The following EYS variants were observed in gnomAD, a reference collection of about 807,000 sequenced individuals.
EYS encodes the protein protein eyes shut homolog.
In EYS, 250 loss-of-function variants were observed where a neutral mutation model predicts 282.1. The observed-to-expected ratio is 0.89, with a 90% CI of 0.80 to 0.98. EYS has a LOEUF of 0.98. EYS is among the 50% of genes least tolerant of loss of function. EYS has a pLI of 0.00. For synonymous variants in EYS, 1,355 were observed against 1,282.9 expected (o/e 1.06, Z -1.20); for missense variants, 4,016 against 3,709.0 (o/e 1.08, Z -2.15).
chr6:65,062,370 C>T (rs905084759), intron 12 of EYS, among the ~76,000 whole-genome samples: 4 of 151,908 alleles, frequency 2.6e-5, no homozygotes, highest in African/African-American at 9.7e-5. Flanking sequence ...ATGTACCAAA[C>T]CTGTCTATTT....
intron 5 of EYS, among the ~76,000 whole-genome samples, chr6:65,439,316 A>G (rs1768208411): frequency 6.6e-6 from 1 of 152,002 alleles, no homozygotes. Context: ...CTTAGGATTG[A>G]CTTGGCAATG....
chr6:64,286,767 T>C (rs1768517782), intron 30 of EYS, among the ~76,000 whole-genome samples: 1 of 152,174 alleles, frequency 6.6e-6, no homozygotes, highest in Non-Finnish European at 1.5e-5. Flanking sequence ...TTTTAGGGAA[T>C]AAGCCTTAAT....
chr6:65,561,313 A>G (rs1031439025), intron 2 of EYS, among the ~76,000 whole-genome samples: 1 of 152,196 alleles, frequency 6.6e-6, no homozygotes, highest in African/African-American at 2.4e-5. Context: ...AACACTTTCC[A>G]TTAACCAAAC....
chr6:64,050,274 C>A (rs1441649701), intron 33 of EYS, among the ~76,000 whole-genome samples: 1 of 152,066 alleles, frequency 6.6e-6, no homozygotes, highest in African/African-American at 2.4e-5. Flanking sequence ...TCCCTCCCAC[C>A]CCCTGCCATT....
chr6:64,391,406 A>G (rs1462541630), intron 28 of EYS, among the ~76,000 whole-genome samples: 2 of 152,218 alleles, frequency 1.3e-5, no homozygotes, highest in East Asian at 3.9e-4. Context: ...AGGGAAGCCC[A>G]TCAGACTAAC....
chr6:63,822,111 A>C (rs1771340650), intron 36 of EYS: 1 of 152,104 alleles, frequency 6.6e-6, no homozygotes, highest in South Asian at 2.1e-4. Flanking sequence ...AAAAGCATGA[A>C]GTTTTTTATT....
At chr6:64,110,330 A>C (rs1365200738) in intron 31 of EYS, among the ~76,000 whole-genome samples, 2 of 152,166 alleles carry the variant, frequency 1.3e-5, no homozygotes, top group Admixed American at 6.5e-5. Flanking sequence ...ACATACTCTC[A>C]GATTACTCCA....
At chr6:65,510,834 T>C (rs1582395700) in intron 2 of EYS, among the ~76,000 whole-genome samples, 1 of 152,226 alleles carries the variant, frequency 6.6e-6, no homozygotes, top group African/African-American at 2.4e-5. Flanking sequence ...ATAGTATTAC[T>C]CAAGGCAATT....
chr6:64,192,899 T>C (rs1468135919), intron 31 of EYS, among the ~76,000 whole-genome samples: 1 of 152,248 alleles, frequency 6.6e-6, no homozygotes, highest in Non-Finnish European at 1.5e-5. Context: ...CCATTGATCT[T>C]TACTGCCAAC....
chr6:64,242,352 A>G (rs916061244), intron 30 of EYS, among the ~76,000 whole-genome samples: 3 of 152,170 alleles, frequency 2.0e-5, no homozygotes, highest in African/African-American at 7.2e-5. Context: ...GATGGGAATT[A>G]GATTGATACT....
rs115226540 is a variant in EYS, at chr6:64,966,947, T to C, written c.2260-21033A>G. Reference sequence around the variant, plus strand: ...ATCATCTGGCTACTCTCTGGCATTCTATATACAAAGGTAGCCCTCCAGTTA... The same window carrying C: ...ATCATCTGGCTACTCTCTGGCATTCCATATACAAAGGTAGCCCTCCAGTTA... On this transcript the variant is annotated intron_variant, in intron 14 of 42. Coordinates refer to ENST00000503581, the MANE Select transcript of EYS (RefSeq NM_001142800.2). Among the ~76,000 whole-genome samples the C allele has an allele frequency of 9.7e-4, 147 of 152,318 alleles. 2 individuals carry two copies. The highest frequency in any genetic ancestry group is 3.3e-3 in the African/African-American group (139 of 41,584).
intron 13 of EYS, among the ~76,000 whole-genome samples, chr6:65,008,217 TC>T (rs1345969021): frequency 2.6e-5 from 4 of 151,964 alleles, no homozygotes; most frequent in African/African-American, 7.3e-5. Flanking sequence ...AGGAAGAAAA[TC>T]CTACCGCCTT....
At chr6:65,175,892 T>C (rs1354298384) in intron 12 of EYS, among the ~76,000 whole-genome samples, 1 of 151,514 alleles carries the variant, frequency 6.6e-6, no homozygotes, top group Non-Finnish European at 1.5e-5. Context: ...GTTGTGCTTG[T>C]TACCAAAATG....
chr6:64,808,563 AACG>A (rs386702077), intron 22 of EYS, among the ~76,000 whole-genome samples: 9 of 139,060 alleles, frequency 6.5e-5, no homozygotes, highest in East Asian at 4.5e-4. Context: ...TGTGCCTGAG[AACG>A]TTAGACAAGA....
At chr6:64,547,618 G>T (rs991691428) in intron 26 of EYS, among the ~76,000 whole-genome samples, 1 of 152,200 alleles carries the variant, frequency 6.6e-6, no homozygotes, top group Non-Finnish European at 1.5e-5. Flanking sequence ...TAGACATAAA[G>T]GTTCTCCAAG....
At chr6:65,327,453 T>C (rs1422868163) in intron 11 of EYS, among the ~76,000 whole-genome samples, 1 of 151,732 alleles carries the variant, frequency 6.6e-6, no homozygotes, top group Non-Finnish European at 1.5e-5. Flanking sequence ...TTATTTCTTA[T>C]AATTTTGAAA....
At chr6:64,422,353 C>CA (rs1267510517) in intron 28 of EYS, among the ~76,000 whole-genome samples, 1 of 152,122 alleles carries the variant, frequency 6.6e-6, no homozygotes, top group Non-Finnish European at 1.5e-5. Flanking sequence ...ACAGACAAGC[C>CA]AAGGGCCTAT....
chr6:65,232,329 T>C (rs568103446), intron 12 of EYS, among the ~76,000 whole-genome samples: 56 of 152,216 alleles, frequency 3.7e-4, no homozygotes, highest in African/African-American at 1.3e-3. Context: ...ATCACGCATG[T>C]GGTACTTTCG....
intron 35 of EYS, among the ~76,000 whole-genome samples, chr6:63,901,644 T>C (rs181434751): frequency 8.1e-4 from 123 of 152,280 alleles, no homozygotes; most frequent in African/African-American, 2.7e-3. Context: ...ACTCTTCAAA[T>C]ATAGGGAACA....
Sources: allele counts gnomAD v4.1 joint callset (sites outside exome capture counted in the v4.1 genomes callset), GRCh38; gene constraint gnomAD v4.1.1; transcripts MANE v1.5; gene names NCBI Gene and HGNC (gene_info 2026-07-23, HGNC 2026-07-21).